LYG1: variants seen among roughly 807,000 people sequenced by gnomAD.
The protein encoded by LYG1 is lysozyme g1.
In LYG1, 17 loss-of-function variants were observed where a neutral mutation model predicts 21.7. That is an observed-to-expected ratio of 0.78 (90% CI 0.54 to 1.18). The LOEUF (loss-of-function observed/expected upper bound fraction) is 1.18, where lower values mean the gene tolerates loss of function less well. Ranked by LOEUF, LYG1 falls within the 50% of genes most tolerant of loss-of-function variation. LYG1 has a pLI of 0.00. For missense variants in LYG1, 211 were observed against 238.1 expected, an observed-to-expected ratio of 0.89 and a Z score of 0.75; for synonymous variants, 81 against 87.4, an observed-to-expected ratio of 0.93 and a Z score of 0.41.
upstream of LYG1, among the ~76,000 whole-genome samples, chr2:99,302,464 A>G (rs1422670893): frequency 6.6e-6 from 1 of 152,174 alleles, no homozygotes; most frequent in African/African-American, 2.4e-5. Flanking sequence ...CTGGGCTTCC[A>G]ATGCTGGGCC....
chr2:99,291,840 G>A (rs1220155304), intron 4 of LYG1, among the ~76,000 whole-genome samples: 1 of 152,214 alleles, frequency 6.6e-6, no homozygotes, highest in Admixed American at 6.5e-5. Context: ...TCCTCAACAA[G>A]TTTGTTCACA....
At chr2:99,295,843 TG>T in intron 2 of LYG1, 141 bp from the exon 3 acceptor site, 1 of 794,678 alleles carries the variant, frequency 1.3e-6, no homozygotes, top group Non-Finnish European at 2.0e-6. Flanking sequence ...TGAATCATAG[TG>T]AAAAAAAAGC....
chr2:99,303,231 C>T (rs1229884912), upstream of LYG1, among the ~76,000 whole-genome samples: 1 of 152,000 alleles, frequency 6.6e-6, no homozygotes, highest in East Asian at 1.9e-4. Flanking sequence ...AAACTCTATC[C>T]TGACCCCCAA....
At chr2:99,285,874 C>T (rs1300976130) in intron 5 of LYG1, among the ~76,000 whole-genome samples, 1 of 152,186 alleles carries the variant, frequency 6.6e-6, no homozygotes, top group African/African-American at 2.4e-5. Flanking sequence ...GTTAGAATAG[C>T]TACTGTCAAA....
intron 4 of LYG1, among the ~76,000 whole-genome samples, chr2:99,292,195 G>GA (rs2094120837): frequency 6.6e-6 from 1 of 152,150 alleles, no homozygotes; most frequent in Admixed American, 6.5e-5. Flanking sequence ...TGAGGCAGGA[G>GA]AATCGCTTAA....
chr2:99,285,159 C>T (rs1251055500), intron 5 of LYG1, among the ~76,000 whole-genome samples: 2 of 151,956 alleles, frequency 1.3e-5, no homozygotes, highest in South Asian at 2.1e-4. Context: ...CTCAGGAGTT[C>T]GAGACGAGCC....
At chr2:99,284,588 A>C in intron 6 of LYG1, 77 bp from the exon 7 acceptor site, 1 of 1,591,810 alleles carries the variant, frequency 6.3e-7, no homozygotes. Flanking sequence ...TAACTACCTA[A>C]CAGGAGGCAG....
chr2:99,284,376 G>A lies in LYG1; in HGVS notation c.*17C>T, dbSNP rs777731503. 1.2e-6 allele frequency: 2 copies of A among 1,608,254 alleles called. No individual in the cohort carries two copies. The highest frequency in any genetic ancestry group is 2.7e-5 in the African/African-American group (2 of 74,822). ...AGGCTGCATATGTGATCATGGTCTT[G>A]GGTTTCATCTGAGATGTTAGAAGCC... On this transcript the variant is annotated 3_prime_UTR_variant, in exon 7 of 7. Transcript: ENST00000308528.
intron 3 of LYG1, among the ~76,000 whole-genome samples, chr2:99,293,061 G>A (rs931957274): frequency 7.6e-6 from 1 of 132,442 alleles, no homozygotes; most frequent in African/African-American, 2.9e-5. Context: ...GCACGATCTC[G>A]ACTCTCTGCA....
chr2:99,289,239 C>A (rs1186630362), intron 5 of LYG1, among the ~76,000 whole-genome samples: 3 of 151,942 alleles, frequency 2.0e-5, no homozygotes, highest in Non-Finnish European at 2.9e-5. Context: ...GCAGGCAGAC[C>A]ACTTGAGTCC....
intron 2 of LYG1, 41 bp from the exon 3 acceptor site, chr2:99,295,743 GTCA>G: frequency 6.4e-7 from 1 of 1,567,150 alleles, no homozygotes; most frequent in Non-Finnish European, 8.8e-7. Flanking sequence ...AAAAATATCA[GTCA>G]TCATCATAAC....
intron 2 of LYG1, among the ~76,000 whole-genome samples, chr2:99,297,973 C>T (rs1029566046): frequency 6.6e-6 from 1 of 152,200 alleles, no homozygotes; most frequent in African/African-American, 2.4e-5. Context: ...CCTCAGCTTC[C>T]TGAGTAGGTA....
chr2:99,297,783 C>T (rs1035149873), intron 2 of LYG1, among the ~76,000 whole-genome samples: 2 of 152,208 alleles, frequency 1.3e-5, no homozygotes, highest in Non-Finnish European at 2.9e-5. Context: ...GGCACGATCA[C>T]GGCTCACTGC....
At chr2:99,289,899 C>T (rs536045270) in intron 5 of LYG1, among the ~76,000 whole-genome samples, 1 of 151,942 alleles carries the variant, frequency 6.6e-6, no homozygotes, top group Non-Finnish European at 1.5e-5. Context: ...CGCTCTCTCG[C>T]CCAGGCTGGA....
At chr2:99,297,915 A>G (rs1218633513) in intron 2 of LYG1, among the ~76,000 whole-genome samples, 1 of 152,090 alleles carries the variant, frequency 6.6e-6, no homozygotes, top group Non-Finnish European at 1.5e-5. Flanking sequence ...GGGTCTCACT[A>G]TGTTGCCCAG....
At chr2:99,301,206 C>T (rs558789685), upstream of LYG1, 30 of 151,956 alleles carry the variant, frequency 2.0e-4, no homozygotes, top group African/African-American at 3.4e-4. Context: ...ATAAATACTC[C>T]GAACTTATAT....
intron 5 of LYG1, 125 bp from the exon 6 acceptor site, chr2:99,284,945 T>A: frequency 1.6e-6 from 2 of 1,287,874 alleles, no homozygotes; most frequent in Non-Finnish European, 2.1e-6. Flanking sequence ...ATGGAACCAA[T>A]GCCACCGTCA....
upstream of LYG1, among the ~76,000 whole-genome samples, chr2:99,301,514 G>A (rs2094154326): frequency 7.6e-6 from 1 of 131,012 alleles, no homozygotes; most frequent in Non-Finnish European, 1.6e-5. Context: ...GGAAGGAAGG[G>A]AGGGAGGGAA....
chr2:99,301,964 G>A (rs2094155873), upstream of LYG1, among the ~76,000 whole-genome samples: 1 of 152,194 alleles, frequency 6.6e-6, no homozygotes, highest in African/African-American at 2.4e-5. Flanking sequence ...CCCAAGTTGT[G>A]GAAAGGGTGC....
Sources: allele counts gnomAD v4.1 joint callset (sites outside exome capture counted in the v4.1 genomes callset), GRCh38; gene constraint gnomAD v4.1.1; transcripts MANE v1.5; gene names NCBI Gene and HGNC (gene_info 2026-07-23, HGNC 2026-07-21).